SPAG16: variants seen among roughly 807,000 people sequenced by gnomAD.
SPAG16 encodes sperm-associated antigen 16 protein.
SPAG16 carries 86 observed loss-of-function variants against 80.4 expected under a neutral mutation model. The ratio of observed to expected loss-of-function variants is 1.07; its 90% CI spans 0.90 to 1.28. The LOEUF (loss-of-function observed/expected upper bound fraction) is 1.28, where lower values mean the gene tolerates loss of function less well. Among genes scored for constraint, SPAG16 ranks in the 50% most tolerant of loss-of-function variants. The pLI is 0.00. For missense variants in SPAG16, 870 were observed against 765.3 expected (o/e 1.14, Z -1.61); for synonymous variants, 294 against 265.9 (o/e 1.11, Z -1.03).
intron 10 of SPAG16, among the ~76,000 whole-genome samples, chr2:213,611,026 G>C (rs1427303474): frequency 1.3e-5 from 2 of 152,142 alleles, no homozygotes; most frequent in Non-Finnish European, 2.9e-5. Flanking sequence ...ATGCAGCCCA[G>C]CAAGTCCCAG....
chr2:213,898,978 C>T (rs1416860317), intron 11 of SPAG16, among the ~76,000 whole-genome samples: 1 of 151,854 alleles, frequency 6.6e-6, no homozygotes, highest in Non-Finnish European at 1.5e-5. Flanking sequence ...TATCTGTTGC[C>T]GCAGGGAATG....
At chr2:214,250,529 T>G (rs1690172839) in intron 15 of SPAG16, among the ~76,000 whole-genome samples, 1 of 150,320 alleles carries the variant, frequency 6.7e-6, no homozygotes, top group Non-Finnish European at 1.5e-5. Flanking sequence ...AGAAAACAAG[T>G]TAAAAGCTTT....
chr2:213,868,085 A>G (rs12474178), intron 11 of SPAG16, among the ~76,000 whole-genome samples: 90,476 of 151,824 alleles, frequency 0.6, 28,784 homozygotes, highest in South Asian at 0.85. Context: ...TGGTAAAATC[A>G]TGTCTAAAAT....
chr2:213,940,094 G>A (rs570162479), intron 12 of SPAG16, among the ~76,000 whole-genome samples: 1 of 151,958 alleles, frequency 6.6e-6, no homozygotes, highest in Admixed American at 6.6e-5. Context: ...ATTTGAAAAG[G>A]TACAAAATTT....
chr2:213,823,861 G>A (rs575106600), intron 10 of SPAG16, among the ~76,000 whole-genome samples: 1 of 152,232 alleles, frequency 6.6e-6, no homozygotes, highest in Non-Finnish European at 1.5e-5. Context: ...CATTTTGTAG[G>A]CTGCTTGTTC....
At chr2:213,670,261 G>C (rs1162016565) in intron 10 of SPAG16, among the ~76,000 whole-genome samples, 4 of 152,084 alleles carry the variant, frequency 2.6e-5, no homozygotes, top group Non-Finnish European at 2.9e-5. Context: ...CTCCCAAAGT[G>C]CTGGGATTAC....
chr2:213,915,736 A>C (rs946297460), intron 11 of SPAG16, among the ~76,000 whole-genome samples: 18 of 152,186 alleles, frequency 1.2e-4, no homozygotes, highest in Admixed American at 8.5e-4. Flanking sequence ...CACACCCATC[A>C]ACAGTGTAAA....
At chr2:214,092,105 G>A (rs564318254) in intron 13 of SPAG16, among the ~76,000 whole-genome samples, 24 of 152,072 alleles carry the variant, frequency 1.6e-4, no homozygotes, top group Non-Finnish European at 3.2e-4. Context: ...AGGCAAAGGA[G>A]TAAGAGTTTA....
At chr2:214,049,520 C>G (rs1236685352) in intron 13 of SPAG16, among the ~76,000 whole-genome samples, 1 of 152,034 alleles carries the variant, frequency 6.6e-6, no homozygotes, top group Non-Finnish European at 1.5e-5. Flanking sequence ...AAATATATTT[C>G]TAGTGCTAGT....
intron 3 of SPAG16, among the ~76,000 whole-genome samples, chr2:213,308,788 A>G (rs1158457435): frequency 2.6e-5 from 4 of 152,130 alleles, no homozygotes; most frequent in African/African-American, 9.7e-5. Context: ...TAGGACAGTA[A>G]TGAAGACATT....
At chr2:214,076,519 GTGTGTGTGTGTGTGTGTGTGTGTC>G (rs1443110733) in intron 13 of SPAG16, among the ~76,000 whole-genome samples, 36 of 72,150 alleles carry the variant, frequency 5.0e-4, no homozygotes, top group East Asian at 3.7e-3. Flanking sequence ...TATTCTGTGT[GTGTGTGTGTGTGTGTGTGTGTGTC>G]TGTGTGTGTG....
intron 9 of SPAG16, among the ~76,000 whole-genome samples, chr2:213,431,040 A>G (rs2070262355): frequency 6.6e-6 from 1 of 152,224 alleles, no homozygotes; most frequent in Non-Finnish European, 1.5e-5. Flanking sequence ...GGAATTTATC[A>G]CCAGCTCTAC....
chr2:214,106,665 ATGATCTACCTTT>A (rs55764407), intron 13 of SPAG16, among the ~76,000 whole-genome samples: 6,515 of 152,186 alleles, frequency 0.043, 208 homozygotes, highest in Non-Finnish European at 0.065. Flanking sequence ...GGGCATCATG[ATGATCTACCTTT>A]GGTAGCTCAT....
chr2:213,911,980 A>G (rs995623726), intron 11 of SPAG16, among the ~76,000 whole-genome samples: 1 of 152,180 alleles, frequency 6.6e-6, no homozygotes, highest in Non-Finnish European at 1.5e-5. Context: ...TATGCAACAT[A>G]GTGTTTTGAA....
intron 13 of SPAG16, among the ~76,000 whole-genome samples, chr2:214,096,556 C>T (rs986540657): frequency 6.6e-5 from 10 of 152,006 alleles, no homozygotes; most frequent in African/African-American, 9.6e-5. Context: ...CTACTGGGAG[C>T]GTTTTTTTAA....
At position 213,456,666 on chromosome 2, in the gene SPAG16, T is replaced by A. The variant is rs543335704; in HGVS notation, c.943-33297T>A. On this transcript the variant is annotated intron_variant, in intron 9 of 15. Coordinates refer to ENST00000331683, the MANE Select transcript of SPAG16 (RefSeq NM_024532.5). ...TTATTTCTTTTCTCTTTCCTCCTCTTCTGCCTTTAATGTTCAATTTATCAG... is the reference window on the plus strand; with the variant it reads ...TTATTTCTTTTCTCTTTCCTCCTCTACTGCCTTTAATGTTCAATTTATCAG... 2.8e-3 allele frequency among the ~76,000 whole-genome samples: 429 copies of A among 152,248 alleles called. 5 individuals carry two copies. The highest frequency in any genetic ancestry group is 3.4e-3 in the Non-Finnish European group (233 of 68,008).
chr2:214,031,835 A>T (rs1448292632), intron 13 of SPAG16, among the ~76,000 whole-genome samples: 1 of 151,886 alleles, frequency 6.6e-6, no homozygotes, highest in East Asian at 1.9e-4. Flanking sequence ...CCAAGGGGGG[A>T]AGTGCTACAC....
chr2:213,560,378 T>A (rs1441358220), intron 10 of SPAG16, among the ~76,000 whole-genome samples: 13 of 152,026 alleles, frequency 8.6e-5, no homozygotes, highest in Admixed American at 8.5e-4. Context: ...AGGAAGGAAA[T>A]CCACATGCAT....
intron 11 of SPAG16, among the ~76,000 whole-genome samples, chr2:213,863,989 AAAAT>A (rs1409698121): frequency 2.6e-5 from 4 of 152,136 alleles, no homozygotes. Context: ...ATAAGGGGAG[AAAAT>A]AAATATAACC....
Sources: allele counts gnomAD v4.1 joint callset (sites outside exome capture counted in the v4.1 genomes callset), GRCh38; gene constraint gnomAD v4.1.1; transcripts MANE v1.5; gene names NCBI Gene and HGNC (gene_info 2026-07-23, HGNC 2026-07-21).